CMKLR2: variants seen among roughly 807,000 people sequenced by gnomAD.
The protein encoded by CMKLR2 is chemerin chemokine-like receptor 2.
In CMKLR2, 18 loss-of-function variants were observed where a neutral mutation model predicts 23.0. That is an observed-to-expected ratio of 0.78 (90% CI 0.54 to 1.16). The LOEUF (loss-of-function observed/expected upper bound fraction) is 1.16. CMKLR2 is among the 50% of genes most tolerant of loss of function. CMKLR2 has a pLI of 0.00. For synonymous variants in CMKLR2, 158 were observed against 158.9 expected (o/e 0.99, Z 0.05); for missense variants, 401 against 412.7 (o/e 0.97, Z 0.25).
upstream of CMKLR2, among the ~76,000 whole-genome samples, chr2:206,214,630 T>C (rs891922537): frequency 5.9e-5 from 9 of 151,874 alleles, no homozygotes; most frequent in Non-Finnish European, 1.0e-4. Context: ...TTTTTTATTA[T>C]TATTTTTTTT....
Position 206,184,475 on chromosome 2 carries a change from T to G in CMKLR2, c.-28-7200A>C, listed in dbSNP as rs1009084483. Among the ~76,000 whole-genome samples, 3 of 152,108 alleles carry G rather than the reference T, an allele frequency of 2.0e-5. No homozygotes were observed. In the East Asian group the frequency reaches 5.8e-4, roughly 29 times the overall value. ...CCACATACGGCTAATTTTTTTATTT[T>G]TAGTAAAGACGGGGTTTCACTATAT... On this transcript the variant is annotated intron_variant, in intron 1 of 1. Transcript: ENST00000621141.
At chr2:206,201,261 C>G (rs142181124) in intron 1 of CMKLR2, among the ~76,000 whole-genome samples, 18 of 152,296 alleles carry the variant, frequency 1.2e-4, no homozygotes, top group African/African-American at 3.8e-4. Context: ...TTAAGCAACA[C>G]CTGCCCTGAA....
At chr2:206,202,802 C>A (rs1689148064) in intron 1 of CMKLR2, among the ~76,000 whole-genome samples, 1 of 152,028 alleles carries the variant, frequency 6.6e-6, no homozygotes, top group Admixed American at 6.6e-5. Context: ...CTCAGTGTCT[C>A]GGTACACGTG....
At chr2:206,213,965 T>C (rs993721908), upstream of CMKLR2, among the ~76,000 whole-genome samples, 25 of 152,004 alleles carry the variant, frequency 1.6e-4, 1 homozygote, top group African/African-American at 5.8e-4. Context: ...GTGATTCTCC[T>C]GCCTCAGCCT....
chr2:206,194,593 G>A (rs559873369), intron 1 of CMKLR2, among the ~76,000 whole-genome samples: 4 of 150,320 alleles, frequency 2.7e-5, no homozygotes, highest in Non-Finnish European at 5.9e-5. Flanking sequence ...AAGTAGCCAC[G>A]CCCGGCTAAT....
intron 1 of CMKLR2, among the ~76,000 whole-genome samples, chr2:206,207,728 C>CTTTTCTTTTTTTTT (rs1689382989): frequency 4.6e-5 from 2 of 43,582 alleles, no homozygotes; most frequent in African/African-American, 1.2e-4. Context: ...ACCTCAGGGC[C>CTTTTCTTTTTTTTT]TTTTTTTTTT....
chr2:206,215,796 G>T (rs1165949954), upstream of CMKLR2, among the ~76,000 whole-genome samples: 1 of 152,188 alleles, frequency 6.6e-6, no homozygotes, highest in African/African-American at 2.4e-5. Flanking sequence ...CCACCTCTGA[G>T]CATTAAGGGT....
chr2:206,215,739 T>C (rs901388637), upstream of CMKLR2, among the ~76,000 whole-genome samples: 3 of 152,244 alleles, frequency 2.0e-5, no homozygotes, highest in Admixed American at 6.5e-5. Context: ...TGATCTGTTA[T>C]GCAAAAGTAG....
At chr2:206,187,818 A>G (rs1249739363) in intron 1 of CMKLR2, among the ~76,000 whole-genome samples, 2 of 152,200 alleles carry the variant, frequency 1.3e-5, no homozygotes, top group African/African-American at 2.4e-5. Flanking sequence ...AGAGGTGAAT[A>G]GGAGGGATGT....
At chr2:206,189,051 A>G (rs1172817039) in intron 1 of CMKLR2, among the ~76,000 whole-genome samples, 1 of 152,198 alleles carries the variant, frequency 6.6e-6, no homozygotes, top group Non-Finnish European at 1.5e-5. Context: ...CTGGCAGAAC[A>G]TTTGGCGAAT....
At chr2:206,184,300 C>CT (rs752263495) in intron 1 of CMKLR2, among the ~76,000 whole-genome samples, 384 of 142,450 alleles carry the variant, frequency 2.7e-3, no homozygotes, top group Non-Finnish European at 3.6e-3. Context: ...CTCTCTCTCT[C>CT]TTTTTTTTTT....
chr2:206,180,022 C>G (rs1281686910), intron 1 of CMKLR2, among the ~76,000 whole-genome samples: 2 of 152,080 alleles, frequency 1.3e-5, no homozygotes, highest in African/African-American at 4.8e-5. Flanking sequence ...CAACCCTAGC[C>G]CAGCAACTTT....
chr2:206,208,399 G>T (rs556653706), intron 1 of CMKLR2, among the ~76,000 whole-genome samples: 1 of 152,012 alleles, frequency 6.6e-6, no homozygotes, highest in Non-Finnish European at 1.5e-5. Context: ...AAGTAGCCAG[G>T]CATGGTGGTA....
At chr2:206,209,526 C>CTCTT (rs1689459548) in intron 1 of CMKLR2, among the ~76,000 whole-genome samples, 2 of 152,150 alleles carry the variant, frequency 1.3e-5, no homozygotes, top group African/African-American at 4.8e-5. Context: ...TTCTGATGCT[C>CTCTT]TCTTTCCCCT....
At chr2:206,209,904 T>A (rs1410665701) in intron 1 of CMKLR2, among the ~76,000 whole-genome samples, 1 of 151,772 alleles carries the variant, frequency 6.6e-6, no homozygotes, top group African/African-American at 2.4e-5. Context: ...CGCCTCGGCC[T>A]CCCAAAGTGC....
Position 206,176,690 on chromosome 2 carries a change from A to G in CMKLR2, c.558T>C (p.Leu186=). 3 of 1,614,208 alleles carry G rather than the reference A, an allele frequency of 1.9e-6. No homozygotes were observed. The highest frequency in any genetic ancestry group is 2.5e-6 in the Non-Finnish European group (3 of 1,180,038). The change falls in exon 2 of 2, where the codon CTT becomes CTC. Residue 186 remains leucine, a synonymous_variant. Transcript: ENST00000621141. The stretch of plus-strand genomic sequence containing the variant: ...CATGCTTCTGAAAATTGTTATAGCA[A>G]AGAGTATGATTATTGAACTCCACAG... ...RDTVEFNNHT[L]CYNNFQKHDP...
intron 1 of CMKLR2, among the ~76,000 whole-genome samples, chr2:206,201,875 G>A (rs889728085): frequency 2.0e-5 from 3 of 152,050 alleles, no homozygotes; most frequent in African/African-American, 4.8e-5. Context: ...GCAAACTGGT[G>A]GAAGCTATTT....
At chr2:206,192,393 AT>A (rs35607423) in intron 1 of CMKLR2, among the ~76,000 whole-genome samples, 7,230 of 145,188 alleles carry the variant, frequency 0.05, 240 homozygotes, top group Non-Finnish European at 0.073. Context: ...ATTATTTTTT[AT>A]TTTTATTTTT....
chr2:206,196,231 T>C (rs979524652), intron 1 of CMKLR2, among the ~76,000 whole-genome samples: 34 of 151,714 alleles, frequency 2.2e-4, no homozygotes, highest in Non-Finnish European at 1.5e-5. Flanking sequence ...AAAAATTAGC[T>C]GAGCGTGGTG....
Sources: allele counts gnomAD v4.1 joint callset (sites outside exome capture counted in the v4.1 genomes callset), GRCh38; gene constraint gnomAD v4.1.1; transcripts MANE v1.5; gene names NCBI Gene and HGNC (gene_info 2026-07-23, HGNC 2026-07-21).